The following NLRP12 variants were observed in gnomAD, a reference collection of about 807,000 sequenced individuals.
NLRP12 encodes NLR family pyrin domain containing 12.
In NLRP12, 108 loss-of-function variants were observed where a neutral mutation model predicts 91.2. That is an observed-to-expected ratio of 1.18 (90% CI 1.01 to 1.39). The LOEUF is 1.39. Ranked by LOEUF, NLRP12 falls within the 40% of genes most tolerant of loss-of-function variation. The pLI is 0.00. For missense variants in NLRP12, 1,530 were observed against 1,352.7 expected (o/e 1.13, Z -2.06); for synonymous variants, 613 against 566.7 (o/e 1.08, Z -1.16).
intron 8 of NLRP12, among the ~76,000 whole-genome samples, chr19:53,796,691 C>T (rs2091767976): frequency 6.7e-6 from 1 of 149,400 alleles, no homozygotes; most frequent in Admixed American, 6.7e-5. Context: ...GCCTCTGAAA[C>T]ATTTTAAAAA....
intron 3 of NLRP12, 38 bp from the exon 4 acceptor site, chr19:53,807,703 TG>T: frequency 1.9e-6 from 3 of 1,611,324 alleles, no homozygotes; most frequent in Non-Finnish European, 2.5e-6. Flanking sequence ...CTGGTGTTAC[TG>T]GTGCTTGACA....
Position 53,810,401 on chromosome 19 carries a change from C to T in NLRP12, c.1258G>A (p.Gly420Ser), listed in dbSNP as rs1568679968. ...VCTCLQQQLE[G>S]GGLLRQTSRT... ...GACGTCTGTCTCAACAGCCCCCCAC[C>T]CTCCAGCTGCTGCTGGAGGCAGGTA... Residue 420 changes from glycine (G) to serine (S), a missense_variant, in exon 3 of 10, where the codon GGT becomes AGT. By Grantham distance (56) the Gly-to-Ser change is moderately conservative. Transcript: ENST00000324134. 6.2e-7 allele frequency: 1 copy of T among 1,613,798 alleles called. No individual in the cohort carries two copies. The highest frequency in any genetic ancestry group is 8.5e-7 in the Non-Finnish European group (1 of 1,180,008).
rs561778638 is a variant in NLRP12 at position 53,799,778 on chromosome 19, C to G, written c.2757-1365G>C. On this transcript the variant is annotated intron_variant, in intron 7 of 9. Coordinates refer to ENST00000324134, the MANE Select transcript of NLRP12 (RefSeq NM_144687.4). ...GATTACAGGTGTGAGCCACCGCATC[C>G]TGCCTTCAGATTTCAATAAATGATG... Among the ~76,000 whole-genome samples, 68 of 152,242 alleles carry G rather than the reference C, an allele frequency of 4.5e-4. 3 individuals carry two copies. The South Asian group carries it at 0.012, about 28-fold the overall frequency.
In NLRP12 at chr19:53,824,101, A is replaced by G. The variant is rs2092308239; in HGVS notation, c.74T>C (p.Leu25Pro). The G allele has an allele frequency of 1.9e-6, 3 of 1,613,920 alleles. No individual in the cohort carries two copies. Among genetic ancestry groups the G allele is most frequent in the South Asian group, 2.2e-5 (2 of 91,080 alleles). ...CCCCAGGTATAACTTGAACTTCTTC[A>G]GTTCCACAGCCTCGAGTTCTTCCAA... is the stretch of plus-strand genomic sequence containing the variant. ...TYLEELEAVE[L>P]KKFKLYLGTA... The change falls in exon 1 of 10, where the codon CTG (leucine) becomes CCG (proline). Residue 25 changes from leucine (L) to proline (P), a missense_variant. Physicochemically the swap from Leu to Pro is moderately conservative, Grantham distance 98. Transcript: ENST00000324134.
In NLRP12 at chr19:53,803,515, C is replaced by A. The variant is rs189151125; in HGVS notation, c.2585+437G>T. Among the ~76,000 whole-genome samples, 95 of 151,960 alleles carry A rather than the reference C, an allele frequency of 6.3e-4. 1 individual carries two copies. The East Asian group carries it at 0.017, about 27-fold the overall frequency. ...ACTTTTTCATCTTCCGAAATGGAAC[C>A]TCTGCTCCCGTTAAACGGTAACTCC... On this transcript the variant is annotated intron_variant, in intron 6 of 9. Coordinates refer to ENST00000324134, the MANE Select transcript of NLRP12 (RefSeq NM_144687.4).
At chr19:53,798,458 G>A (rs777283620) in intron 7 of NLRP12, 45 bp from the exon 8 acceptor site, 11 of 1,585,496 alleles carry the variant, frequency 6.9e-6, no homozygotes, top group Non-Finnish European at 8.6e-7. Flanking sequence ...CATTCCTCCT[G>A]CAAAATCTGC....
Position 53,810,912 on chromosome 19 carries a change from G to A in NLRP12, c.747C>T (p.Tyr249=), listed in dbSNP as rs1323278716. 2 of 1,614,158 alleles carry A rather than the reference G, an allele frequency of 1.2e-6. No homozygotes were observed. The highest frequency in any genetic ancestry group is 8.5e-7 in the Non-Finnish European group (1 of 1,180,038). ...TCTGGTTCATCTCCCTGCAGTTGAT[G>A]TAGAAGAGATAATCAAATCTGCCTT... ...LFQGRFDYLF[Y]INCREMNQSA... is the part of the protein sequence containing the mutation. The change falls in exon 3 of 10, where the codon TAC becomes TAT. Residue 249 remains tyrosine (Y), a synonymous_variant. Coordinates refer to ENST00000324134, the MANE Select transcript of NLRP12 (RefSeq NM_144687.4).
At position 53,809,577 on chromosome 19, in the gene NLRP12, G is replaced by A; in HGVS notation, c.2072+10C>T. The A allele has an allele frequency of 6.3e-7, 1 of 1,584,640 alleles. No homozygotes were observed. Among genetic ancestry groups the A allele is most frequent in the Non-Finnish European group, 8.6e-7 (1 of 1,160,598 alleles). On this transcript the variant is annotated intron_variant, in intron 3 of 9. Transcript: ENST00000324134. ...TAAGCAGCCCCAGGGGATACCCCAG[G>A]GATACTTACAGCTGCACCAACAGCG... is the stretch of plus-strand genomic sequence containing the variant.
chr19:53,795,595 C>T (rs1009592782), intron 9 of NLRP12, among the ~76,000 whole-genome samples: 3 of 150,804 alleles, frequency 2.0e-5, no homozygotes, highest in African/African-American at 7.3e-5. Context: ...AGGATGGTCT[C>T]GATCTCCTGA....
At chr19:53,802,719 G>C (rs1010953887) in intron 6 of NLRP12, among the ~76,000 whole-genome samples, 1 of 148,776 alleles carries the variant, frequency 6.7e-6, no homozygotes, top group Admixed American at 6.7e-5. Context: ...AAAAAAAAAA[G>C]AAAACTGGGG....
chr19:53,822,736 T>TTA (rs1555799702), intron 1 of NLRP12, among the ~76,000 whole-genome samples: 2 of 120,572 alleles, frequency 1.7e-5, no homozygotes, highest in Admixed American at 9.1e-5. Flanking sequence ...GACTCAGTCT[T>TTA]AAAAAAAAAA....
intron 6 of NLRP12, 79 bp from the exon 7 acceptor site, chr19:53,801,476 G>C: frequency 7.0e-7 from 1 of 1,432,074 alleles, no homozygotes; most frequent in South Asian, 1.3e-5. Flanking sequence ...TTTTGAGACA[G>C]AGTCCCACTC....
chr19:53,810,367 G>C lies in NLRP12; in HGVS notation c.1292C>G (p.Thr431Ser). 6.2e-7 allele frequency: 1 copy of C among 1,613,582 alleles called. No individual in the cohort carries two copies. The highest frequency in any genetic ancestry group is 8.5e-7 in the Non-Finnish European group (1 of 1,180,014). The stretch of plus-strand genomic sequence containing the variant: ...CAGGTAGAGCATGTACACTGCAGTG[G>C]TGGTCCTGGACGTCTGTCTCAACAG... The part of the protein sequence containing the change: ...GGLLRQTSRT[T>S]TAVYMLYLLS... Residue 431 changes from threonine to serine, a missense_variant, in exon 3 of 10, where the codon ACC becomes AGC. Thr to Ser is a moderately conservative substitution (Grantham distance 58, BLOSUM62 1). Coordinates refer to ENST00000324134, the MANE Select transcript of NLRP12 (RefSeq NM_144687.4).
At chr19:53,797,993 C>T (rs139866564) in intron 8 of NLRP12, among the ~76,000 whole-genome samples, 1,757 of 152,314 alleles carry the variant, frequency 0.012, 32 homozygotes, top group African/African-American at 0.04. Context: ...CCTCGGCTTC[C>T]CAAAGTGCTG....
intron 1 of NLRP12, among the ~76,000 whole-genome samples, chr19:53,817,448 A>AGAG (rs892536236): frequency 6.7e-6 from 1 of 149,330 alleles, no homozygotes; most frequent in Non-Finnish European, 1.5e-5. Context: ...AAAGTGGTTA[A>AGAG]GAGGAGGCTG....
At chr19:53,800,566 C>T (rs558407590) in intron 7 of NLRP12, among the ~76,000 whole-genome samples, 10 of 148,498 alleles carry the variant, frequency 6.7e-5, no homozygotes, top group East Asian at 2.0e-4. Context: ...TGCAAAGGGC[C>T]GTGCGTCAGA....
intron 7 of NLRP12, among the ~76,000 whole-genome samples, chr19:53,799,736 G>C (rs1223062270): frequency 6.6e-6 from 1 of 151,960 alleles, no homozygotes; most frequent in Non-Finnish European, 1.5e-5. Context: ...TCCCACCTTG[G>C]CCTCCCAAAG....
At chr19:53,821,031 C>CTTTTTTTTT (rs1158419664) in intron 1 of NLRP12, among the ~76,000 whole-genome samples, 28 of 81,284 alleles carry the variant, frequency 3.4e-4, no homozygotes, top group Admixed American at 7.7e-4. Flanking sequence ...CATATTTTTT[C>CTTTTTTTTT]TTTTTTTTTT....
intron 3 of NLRP12, 104 bp downstream of exon 3, chr19:53,809,483 G>A (rs187070104): frequency 1.5e-4 from 178 of 1,195,762 alleles, no homozygotes; most frequent in African/African-American, 1.7e-5. Flanking sequence ...GTGAGCTGAG[G>A]TCACGCCAGT....
Sources: gnomAD v4.1 joint callset for allele counts (sites outside exome capture counted in the v4.1 genomes callset) on GRCh38, gnomAD v4.1.1 for gene constraint, MANE v1.5 for transcripts, NCBI Gene and HGNC (gene_info 2026-07-23, HGNC 2026-07-21) for gene names.